The following DNAH9 variants were observed in gnomAD, a reference collection of about 807,000 sequenced individuals.
DNAH9 encodes the protein dynein axonemal heavy chain 9.
In DNAH9, 345 loss-of-function variants were observed where a neutral mutation model predicts 471.6. That is an observed-to-expected ratio of 0.73 (90% CI 0.67 to 0.80). DNAH9 has a LOEUF of 0.80. Ranked by LOEUF, DNAH9 falls within the 30% of genes least tolerant of loss-of-function variation. DNAH9 has a pLI of 0.00. For missense variants in DNAH9, 5,407 were observed against 5,609.2 expected (o/e 0.96, Z 1.15); for synonymous variants, 2,093 against 2,123.6 (o/e 0.99, Z 0.40).
intron 28 of DNAH9, among the ~76,000 whole-genome samples, chr17:11,731,254 G>T (rs1009491470): frequency 6.6e-6 from 1 of 152,042 alleles, no homozygotes; most frequent in Non-Finnish European, 1.5e-5. Context: ...GGTGATGATA[G>T]TGATAATGAT....
At chr17:11,619,067 A>G (rs2072802494) in intron 5 of DNAH9, among the ~76,000 whole-genome samples, 1 of 152,222 alleles carries the variant, frequency 6.6e-6, no homozygotes, top group Non-Finnish European at 1.5e-5. Context: ...CCGACTTGCA[A>G]TGTGGCCTTA....
chr17:11,854,133 T>C lies in DNAH9; in HGVS notation c.9638T>C (p.Val3213Ala), dbSNP rs1271074243. 2.5e-6 allele frequency: 4 copies of C among 1,614,030 alleles called. No individual in the cohort carries two copies. In the South Asian group the frequency reaches 4.4e-5, roughly 18 times the overall value. Residue 3213 changes from valine to alanine, a missense_variant, in exon 50 of 69, where the codon GTC becomes GCC. This residue lies in a region of DNAH9 where 4,636 missense variants were observed against 4,900.3 expected (regional missense o/e 0.95). Coordinates refer to ENST00000262442, the MANE Select transcript of DNAH9 (RefSeq NM_001372.4). ...PKDRSWKAAK[V>A]TMAKVDGFLD... ...GACCGGAGCTGGAAGGCTGCTAAGG[T>C]CACCATGGCCAAAGTGGATGGCTTC...
intron 48 of DNAH9, among the ~76,000 whole-genome samples, chr17:11,827,878 G>T (rs955759437): frequency 1.3e-5 from 2 of 152,052 alleles, no homozygotes; most frequent in Non-Finnish European, 2.9e-5. Flanking sequence ...TAGAGATGGG[G>T]TTTCATCATA....
chr17:11,767,419 A>G (rs1442933741), intron 36 of DNAH9, among the ~76,000 whole-genome samples: 1 of 152,114 alleles, frequency 6.6e-6, no homozygotes, highest in African/African-American at 2.4e-5. Flanking sequence ...CTTACCACCC[A>G]TTTCCACTCT....
At chr17:11,960,435 T>TAAAAAAAAAAAAAAAAAAAAAAAAA (rs3074845) in intron 67 of DNAH9, among the ~76,000 whole-genome samples, 12 of 54,044 alleles carry the variant, frequency 2.2e-4, no homozygotes, top group Middle Eastern at 0.018. Context: ...GACTCTGTCT[T>TAAAAAAAAAAAAAAAAAAAAAAAAA]AAAAAAAAAA....
intron 56 of DNAH9, among the ~76,000 whole-genome samples, chr17:11,885,323 G>C (rs74518789): frequency 0.015 from 2,212 of 152,294 alleles, 66 homozygotes; most frequent in African/African-American, 0.05. Context: ...GAACATAGAG[G>C]GGGTGGGAGC....
At chr17:11,881,901 G>A (rs1046895793) in intron 55 of DNAH9, among the ~76,000 whole-genome samples, 4 of 140,304 alleles carry the variant, frequency 2.9e-5, no homozygotes, top group African/African-American at 1.0e-4. Context: ...ATAGGGCGAG[G>A]TTCTGTCTCA....
chr17:11,631,842 C>T (rs1018456009), intron 7 of DNAH9, among the ~76,000 whole-genome samples: 7 of 151,708 alleles, frequency 4.6e-5, no homozygotes, highest in South Asian at 2.1e-4. Context: ...CACACACATG[C>T]GTTACTGTTA....
At position 11,612,115 on chromosome 17, in the gene DNAH9, A is replaced by G. The variant is rs563904057; in HGVS notation, c.904+335A>G. The G allele has an allele frequency of 8.1e-5, 46 of 564,506 alleles. No individual in the cohort carries two copies. In the East Asian group the frequency reaches 1.3e-3, roughly 16 times the overall value. 35.0% of individuals were successfully genotyped at this position (564,506 alleles called of 1,614,324 possible). ...TGGAAGAACTTATTGACTTAACACAACAATGTTCCTGGAGCTGTCCCTTTG... is the reference window on the plus strand; with the variant it reads ...TGGAAGAACTTATTGACTTAACACAGCAATGTTCCTGGAGCTGTCCCTTTG... On this transcript the variant is annotated intron_variant, in intron 4 of 68. Coordinates refer to ENST00000262442, the MANE Select transcript of DNAH9 (RefSeq NM_001372.4).
chr17:11,772,570 C>G lies in DNAH9; in HGVS notation c.7552+3241C>G, dbSNP rs1968252045. Among the ~76,000 whole-genome samples, 2 of 152,172 alleles carry G rather than the reference C, an allele frequency of 1.3e-5. 1 individual carries two copies. The highest frequency in any genetic ancestry group is 4.1e-4 in the South Asian group (2 of 4,826). On this transcript the variant is annotated intron_variant, in intron 38 of 68. Transcript: ENST00000262442. The stretch of plus-strand genomic sequence containing the variant: ...CTCTGCCTCCTAGGTTCAAGCGATT[C>G]TCCTGCCTCAGCCTCCCCAGTAGTG...
intron 41 of DNAH9, among the ~76,000 whole-genome samples, chr17:11,792,668 G>T (rs1969106090): frequency 6.6e-6 from 1 of 152,186 alleles, no homozygotes; most frequent in African/African-American, 2.4e-5. Context: ...ACCTGCCAAG[G>T]TTAGCTATAT....
At chr17:11,810,933 T>A (rs910387744) in intron 45 of DNAH9, among the ~76,000 whole-genome samples, 1 of 152,164 alleles carries the variant, frequency 6.6e-6, no homozygotes, top group Non-Finnish European at 1.5e-5. Context: ...TGTGACGCTG[T>A]CTGTGCAAGA....
chr17:11,787,881 T>A (rs938244361), intron 41 of DNAH9, among the ~76,000 whole-genome samples: 1 of 152,206 alleles, frequency 6.6e-6, no homozygotes, highest in African/African-American at 2.4e-5. Context: ...AAGTGCCTTT[T>A]GCCTCCCACC....
chr17:11,729,958 C>T (rs1027052700), intron 28 of DNAH9, among the ~76,000 whole-genome samples: 5 of 152,352 alleles, frequency 3.3e-5, no homozygotes, highest in Non-Finnish European at 5.9e-5. Flanking sequence ...AGTCAAGACA[C>T]TCTGCTGGGT....
intron 43 of DNAH9, among the ~76,000 whole-genome samples, chr17:11,805,609 G>A (rs1383996153): frequency 3.2e-5 from 4 of 123,652 alleles, no homozygotes; most frequent in Non-Finnish European, 6.3e-5. Flanking sequence ...GTGCAGTGGA[G>A]CGATCTTGGC....
At chr17:11,786,049 A>G (rs1190035750) in intron 41 of DNAH9, among the ~76,000 whole-genome samples, 1 of 151,308 alleles carries the variant, frequency 6.6e-6, no homozygotes, top group African/African-American at 2.4e-5. Context: ...CTGCAGCTCT[A>G]TGAAGTGGGG....
intron 67 of DNAH9, among the ~76,000 whole-genome samples, chr17:11,954,822 A>G (rs538717818): frequency 3.3e-5 from 5 of 152,024 alleles, no homozygotes; most frequent in Admixed American, 2.0e-4. Flanking sequence ...AAGAAAGAAA[A>G]TGATATATGG....
At chr17:11,796,852 T>C (rs935488620) in intron 42 of DNAH9, among the ~76,000 whole-genome samples, 1 of 152,194 alleles carries the variant, frequency 6.6e-6, no homozygotes, top group African/African-American at 2.4e-5. Flanking sequence ...AAATTGGTCT[T>C]CTCTTCAGTA....
chr17:11,626,068 T>G lies in DNAH9; in HGVS notation c.1351-3349T>G, dbSNP rs9900348. On this transcript the variant is annotated intron_variant, in intron 6 of 68. Coordinates refer to ENST00000262442, the MANE Select transcript of DNAH9 (RefSeq NM_001372.4). The surrounding 1 kb of genome is among the most constrained non-coding windows in gnomAD (Gnocchi z 4.3). ...AGCTAGTAAATGATGGAACCAGAGT[T>G]GCGTAAACTCAGGGTTTTTTGTTTG... Among the ~76,000 whole-genome samples, 3,206 of 152,302 alleles carry G rather than the reference T, an allele frequency of 0.021. 101 individuals carry two copies. Among genetic ancestry groups the G allele is most frequent in the African/African-American group, 0.072 (2,978 of 41,566 alleles).
Sources: allele counts gnomAD v4.1 joint callset (sites outside exome capture counted in the v4.1 genomes callset), GRCh38; gene constraint gnomAD v4.1.1; regional missense constraint gnomAD v4.1.1; non-coding constraint Gnocchi (gnomAD v3.1); transcripts MANE v1.5; gene names NCBI Gene and HGNC (gene_info 2026-07-23, HGNC 2026-07-21).